Variants in MX2 observed in about 807,000 individuals in gnomAD.
MX2 encodes the protein MX dynamin like GTPase 2, also known as interferon-induced GTP-binding protein Mx2.
MX2 carries 51 observed loss-of-function variants against 74.0 expected under a neutral mutation model. The ratio of observed to expected loss-of-function variants is 0.69; its 90% confidence interval spans 0.55 to 0.87. The LOEUF (loss-of-function observed/expected upper bound fraction) is 0.87. Among genes scored for constraint, MX2 ranks in the 40% least tolerant of loss-of-function variants. The pLI is 0.00. For synonymous variants in MX2, 369 were observed against 339.3 expected, an observed-to-expected ratio of 1.09 and a Z score of -0.96; for missense variants, 832 against 908.7, an observed-to-expected ratio of 0.92 and a Z score of 1.09.
intron 1 of MX2, among the ~76,000 whole-genome samples, chr21:41,371,492 C>T (rs573644607): frequency 7.2e-5 from 11 of 152,202 alleles, no homozygotes; most frequent in East Asian, 5.8e-4. Flanking sequence ...AAAGTCTGGC[C>T]GGCATTTCCT....
chr21:41,381,137 G>A (rs2838031), intron 4 of MX2, among the ~76,000 whole-genome samples: 5,686 of 152,228 alleles, frequency 0.037, 205 homozygotes, highest in East Asian at 0.14. Flanking sequence ...TCCAATTTCC[G>A]TGTTCACCCC....
chr21:41,365,078 C>T (rs2089252638), intron 1 of MX2: 2 of 152,230 alleles, frequency 1.3e-5, no homozygotes. Flanking sequence ...AAATCCTAAC[C>T]TCAGAACCTC....
At chr21:41,369,862 G>A (rs1240540242) in intron 1 of MX2, among the ~76,000 whole-genome samples, 1 of 90,212 alleles carries the variant, frequency 1.1e-5, no homozygotes, top group African/African-American at 4.3e-5. Context: ...CCGCCCCGCC[G>A]TGGCTGTGCA....
chr21:41,393,422 G>T (rs1051572140), intron 6 of MX2, among the ~76,000 whole-genome samples: 3 of 152,118 alleles, frequency 2.0e-5, no homozygotes, highest in African/African-American at 4.8e-5. Flanking sequence ...ACATGGTCAC[G>T]TCTCTGTCCT....
In MX2 at chr21:41,403,344, G is replaced by A; in HGVS notation, c.1650+1G>A. 1.9e-6 allele frequency: 3 copies of A among 1,612,056 alleles called. No homozygotes were observed. Among genetic ancestry groups the A allele is most frequent in the Non-Finnish European group, 2.5e-6 (3 of 1,178,208 alleles). On this transcript the variant is annotated splice_donor_variant, in intron 12 of 13. Transcript: ENST00000330714. LOFTEE classifies it high-confidence loss of function. The stretch of plus-strand genomic sequence containing the variant: ...TTTCAACCTTAACCAAACTGTTCAG[G>A]TAAGCACCCAGAGTTCACTTGCTAG...
chr21:41,399,023 A>T lies in MX2; in HGVS notation c.1272+4A>T. On this transcript the variant is annotated splice_donor_region_variant and intron_variant, in intron 9 of 13. Transcript: ENST00000330714. ...CAAGATGTTCTTTCTAATTGAGGTG[A>T]GGATTTCCGCAGGACTCCACGTGAC... 1 of 1,612,408 alleles carries T rather than the reference A, an allele frequency of 6.2e-7. No individual in the cohort carries two copies. Among genetic ancestry groups the T allele is most frequent in the South Asian group, 1.1e-5 (1 of 90,974 alleles).
intron 1 of MX2, among the ~76,000 whole-genome samples, chr21:41,371,903 G>A (rs1048738356): frequency 1.1e-4 from 16 of 152,170 alleles, no homozygotes; most frequent in Admixed American, 5.9e-4. Context: ...AATAAAGCTG[G>A]TGGCAAAACT....
rs771343932 is a variant in MX2, at chr21:41,390,622, G to A, written c.790G>A (p.Val264Ile). 1.9e-6 allele frequency: 3 copies of A among 1,614,084 alleles called. No homozygotes were observed. Among genetic ancestry groups the A allele is most frequent in the Non-Finnish European group, 2.5e-6 (3 of 1,180,044 alleles). Residue 264 changes from valine (V) to isoleucine (I), a missense_variant, in exon 6 of 14, where the codon GTT becomes ATT. Physicochemically the swap from Val to Ile is conservative, Grantham distance 29. Coordinates refer to ENST00000330714, the MANE Select transcript of MX2 (RefSeq NM_002463.2). ...QRQQTINLVVVPCNVDIATTE... is the reference protein window; with the variant it reads ...QRQQTINLVVIPCNVDIATTE... ...GCAGCAGACGATCAACTTGGTGGTG[G>A]TTCCCTGTAACGTGGACATTGCCAC...
At chr21:41,396,571 A>G (rs1025064997) in intron 7 of MX2, among the ~76,000 whole-genome samples, 2 of 152,082 alleles carry the variant, frequency 1.3e-5, no homozygotes, top group Non-Finnish European at 2.9e-5. Context: ...TGCCTTTCCC[A>G]TCTTCTCCAG....
chr21:41,383,938 C>G (rs946954187), intron 5 of MX2, among the ~76,000 whole-genome samples: 3 of 152,106 alleles, frequency 2.0e-5, no homozygotes, highest in Admixed American at 2.0e-4. Flanking sequence ...TTCTGTGTCC[C>G]CACCCAAATC....
chr21:41,372,323 GC>G (rs2089336304), intron 1 of MX2, among the ~76,000 whole-genome samples: 1 of 152,164 alleles, frequency 6.6e-6, no homozygotes, highest in South Asian at 2.1e-4. Context: ...AGCTAGGAAG[GC>G]TCATGGCACT....
intron 6 of MX2, among the ~76,000 whole-genome samples, chr21:41,391,015 A>G (rs894926286): frequency 6.6e-6 from 1 of 151,946 alleles, no homozygotes; most frequent in African/African-American, 2.4e-5. Flanking sequence ...CAAAAAAAAA[A>G]AAAAGAACCA....
Position 41,399,355 on chromosome 21 carries a change from C to T in MX2, c.1414+18C>T. On this transcript the variant is annotated intron_variant, in intron 10 of 13. Coordinates refer to ENST00000330714, the MANE Select transcript of MX2 (RefSeq NM_002463.2). ...CCAAAAAGGTAAGTTCTGGGCAGGGCTCCCTGCAAAACAGGGTGGTATTTA... is the reference window on the plus strand; with the variant it reads ...CCAAAAAGGTAAGTTCTGGGCAGGGTTCCCTGCAAAACAGGGTGGTATTTA... The T allele has an allele frequency of 6.2e-7, 1 of 1,610,932 alleles. No individual in the cohort carries two copies. The highest frequency in any genetic ancestry group is 8.5e-7 in the Non-Finnish European group (1 of 1,178,802).
At chr21:41,392,514 G>A (rs2089673965) in intron 6 of MX2, among the ~76,000 whole-genome samples, 1 of 152,150 alleles carries the variant, frequency 6.6e-6, no homozygotes, top group African/African-American at 2.4e-5. Context: ...TGGAGGGTGG[G>A]GAAGTGGGAA....
intron 1 of MX2, among the ~76,000 whole-genome samples, chr21:41,369,388 T>C (rs1165423763): frequency 6.6e-6 from 1 of 152,050 alleles, no homozygotes; most frequent in Non-Finnish European, 1.5e-5. Context: ...GCGGGGAGGA[T>C]GCAAGACTGG....
chr21:41,393,110 C>CAAA (rs373955778), intron 6 of MX2, among the ~76,000 whole-genome samples: 360 of 60,104 alleles, frequency 6.0e-3, no homozygotes, highest in African/African-American at 0.01. Flanking sequence ...CTCAAAAAAG[C>CAAA]AAAAAAAAAA....
chr21:41,377,180 G>T, intron 2 of MX2, 25 bp downstream of exon 2: 1 of 1,612,082 alleles, frequency 6.2e-7, no homozygotes, highest in South Asian at 1.1e-5. Flanking sequence ...GGGACGTTCA[G>T]AAAGGGTGCA....
intron 12 of MX2, among the ~76,000 whole-genome samples, chr21:41,405,240 C>T (rs1262287997): frequency 6.8e-6 from 1 of 147,542 alleles, no homozygotes; most frequent in Non-Finnish European, 1.5e-5. Context: ...GCCTGGGTAA[C>T]AAAGAGAGAC....
chr21:41,395,019 A>C (rs2089716013), intron 6 of MX2, among the ~76,000 whole-genome samples: 1 of 152,122 alleles, frequency 6.6e-6, no homozygotes, highest in African/African-American at 2.4e-5. Context: ...AGGAAGAAAG[A>C]AAAGTGCTTT....
Sources: allele counts gnomAD v4.1 joint callset (sites outside exome capture counted in the v4.1 genomes callset), GRCh38; gene constraint gnomAD v4.1.1; transcripts MANE v1.5; gene names NCBI Gene and HGNC (gene_info 2026-07-23, HGNC 2026-07-21).